The following OBP2B variants were observed in gnomAD, a reference collection of about 807,000 sequenced individuals.
OBP2B encodes odorant binding protein 2B, also known as odorant-binding protein 2b.
OBP2B carries 10 observed loss-of-function variants against 21.7 expected under a neutral mutation model. The observed-to-expected ratio is 0.46, with a 90% confidence interval of 0.28 to 0.78. The LOEUF (loss-of-function observed/expected upper bound fraction) is 0.78, where lower values mean the gene tolerates loss of function less well. OBP2B is among the 30% of genes least tolerant of loss of function. The pLI is 0.11. For synonymous variants in OBP2B, 73 were observed against 91.5 expected (o/e 0.80, Z 1.16); for missense variants, 153 against 217.7 (o/e 0.70, Z 1.87).
chr9:133,222,290 G>A, the OBP2B span, among the ~76,000 whole-genome samples: 2 of 152,360 alleles, frequency 1.3e-5, no homozygotes, highest in East Asian at 1.9e-4. Context: ...GCTTGCCTGA[G>A]AGCTCGGCAC....
the OBP2B span, among the ~76,000 whole-genome samples, chr9:133,221,538 G>A: frequency 2.0e-5 from 3 of 152,204 alleles, no homozygotes; most frequent in African/African-American, 4.8e-5. Context: ...AAGCCAACTG[G>A]CTGCTGTGCT....
chr9:133,209,976 G>C (rs368895230), upstream of OBP2B, among the ~76,000 whole-genome samples: 270 of 152,156 alleles, frequency 1.8e-3, 13 homozygotes, highest in South Asian at 0.05. This position sits in a 1 kb window ranked among gnomAD's most constrained non-coding sequence, Gnocchi z 6.0. Flanking sequence ...CGTATTCATC[G>C]ACCATCTCCC....
the OBP2B span, among the ~76,000 whole-genome samples, chr9:133,215,024 AAAAAC>A: frequency 6.6e-6 from 1 of 152,244 alleles, no homozygotes; most frequent in African/African-American, 2.4e-5. Context: ...CAAGAAACTG[AAAAAC>A]AAAACAAAAG....
chr9:133,207,192 G>C (rs2119392127), intron 4 of OBP2B, 34 bp downstream of exon 4: 1 of 1,426,396 alleles, frequency 7.0e-7, no homozygotes, highest in Non-Finnish European at 9.9e-7. Context: ...AGAGACCGTG[G>C]GGCAGGACAC....
upstream of OBP2B, among the ~76,000 whole-genome samples, chr9:133,211,835 A>G (rs1452533997): frequency 6.6e-6 from 1 of 152,240 alleles, no homozygotes; most frequent in Non-Finnish European, 1.5e-5. Flanking sequence ...GCAACCCTAT[A>G]AAAATAATAC....
the OBP2B span, among the ~76,000 whole-genome samples, chr9:133,218,319 T>A: frequency 8.9e-3 from 1,348 of 152,282 alleles, 15 homozygotes; most frequent in African/African-American, 0.026. Context: ...TGGGTGGAAC[T>A]GCCATGTAGG....
At chr9:133,206,554 G>T (rs1481151564) in intron 4 of OBP2B, 138 bp from the exon 5 acceptor site, 3 of 1,127,492 alleles carry the variant, frequency 2.7e-6, no homozygotes, top group Non-Finnish European at 3.8e-6. Context: ...GCTCGGGGGT[G>T]GGGCTGGGGA....
intron 3 of OBP2B, chr9:133,207,796 T>TTAACCCTCAGCTTCCCCATCCC (rs1407807531): frequency 8.9e-6 from 11 of 1,237,002 alleles, no homozygotes; most frequent in South Asian, 3.9e-5. Flanking sequence ...TTCCCCATCC[T>TTAACCCTCAGCTTCCCCATCCC]TAACCCTCAG....
the OBP2B span, among the ~76,000 whole-genome samples, chr9:133,219,561 G>A: frequency 6.6e-6 from 1 of 152,220 alleles, no homozygotes; most frequent in African/African-American, 2.4e-5. Context: ...AAACTACAGC[G>A]AAATACCACT....
chr9:133,215,338 T>C, the OBP2B span, among the ~76,000 whole-genome samples: 1 of 152,222 alleles, frequency 6.6e-6, no homozygotes, highest in African/African-American at 2.4e-5. Flanking sequence ...AAAAGCGTCA[T>C]TTCTCTCAAA....
chr9:133,211,178 G>C (rs1485082904), upstream of OBP2B, among the ~76,000 whole-genome samples: 2 of 149,654 alleles, frequency 1.3e-5, no homozygotes, highest in African/African-American at 4.8e-5. Flanking sequence ...ACCAGAGCAT[G>C]TGCTGGCTGG....
chr9:133,206,787 G>C (rs1310719982), intron 4 of OBP2B, among the ~76,000 whole-genome samples: 3 of 151,868 alleles, frequency 2.0e-5, no homozygotes, highest in Non-Finnish European at 2.9e-5. Context: ...CAGTGGCGGG[G>C]ACTCTCCAAG....
At chr9:133,206,623 G>A (rs1371735639) in intron 4 of OBP2B, 5 of 635,940 alleles carry the variant, frequency 7.9e-6, no homozygotes, top group Non-Finnish European at 1.4e-5. Flanking sequence ...GAGTGGACCA[G>A]AGCTCTGGGG....
upstream of OBP2B, among the ~76,000 whole-genome samples, chr9:133,210,213 A>G (rs782441651): frequency 2.0e-5 from 3 of 152,102 alleles, no homozygotes; most frequent in East Asian, 5.8e-4. Flanking sequence ...CGGACCCTGC[A>G]TTTCCCAGGT....
chr9:133,221,498 C>T, the OBP2B span, among the ~76,000 whole-genome samples: 1 of 152,182 alleles, frequency 6.6e-6, no homozygotes, highest in Non-Finnish European at 1.5e-5. Context: ...CTCATTGGGA[C>T]GTGGCACCCA....
At chr9:133,221,172 G>A in the OBP2B span, among the ~76,000 whole-genome samples, 2 of 152,160 alleles carry the variant, frequency 1.3e-5, no homozygotes, top group Non-Finnish European at 2.9e-5. Flanking sequence ...ATGCACCATC[G>A]GCTGAAGGGG....
chr9:133,219,043 T>C, the OBP2B span, among the ~76,000 whole-genome samples: 1 of 152,214 alleles, frequency 6.6e-6, no homozygotes, highest in South Asian at 2.1e-4. Flanking sequence ...ATAAGAACTG[T>C]CTTCAACAAA....
chr9:133,214,847 C>T, the OBP2B span, among the ~76,000 whole-genome samples: 1 of 152,310 alleles, frequency 6.6e-6, no homozygotes, highest in African/African-American at 2.4e-5. Flanking sequence ...ACATCAGGGA[C>T]AAGGCAAGGA....
the OBP2B span, among the ~76,000 whole-genome samples, chr9:133,216,481 G>GTA: frequency 6.9e-6 from 1 of 145,576 alleles, no homozygotes; most frequent in East Asian, 2.0e-4. Flanking sequence ...GGCTTGACAG[G>GTA]TTTAAAAAAA....
Sources: gnomAD v4.1 joint callset for allele counts (sites outside exome capture counted in the v4.1 genomes callset) on GRCh38, gnomAD v4.1.1 for gene constraint, Gnocchi (gnomAD v3.1) non-coding constraint, MANE v1.5 for transcripts, NCBI Gene and HGNC (gene_info 2026-07-23, HGNC 2026-07-21) for gene names.